CCDC88B: variants seen among roughly 807,000 people sequenced by gnomAD.
The protein encoded by CCDC88B is coiled-coil and HOOK domain protein 88B, also known as coiled-coil domain-containing protein 88B.
A neutral mutation model predicts 183.7 loss-of-function variants in CCDC88B; 138 were observed. The ratio of observed to expected loss-of-function variants is 0.75; its 90% CI spans 0.65 to 0.87. The LOEUF is 0.87. Ranked by LOEUF, CCDC88B falls within the 40% of genes least tolerant of loss-of-function variation. The pLI, the probability that CCDC88B is intolerant of heterozygous loss-of-function variation, is 0.00. For missense variants in CCDC88B, 1,822 were observed against 1,965.6 expected (o/e 0.93, Z 1.38); for synonymous variants, 835 against 867.5 (o/e 0.96, Z 0.66).
rs779565460 is a variant in CCDC88B, at chr11:64,349,352, C to T, written c.2638C>T (p.Arg880Trp). The change falls in exon 15 of 27, where the codon CGG becomes TGG. Residue 880 changes from arginine to tryptophan, a missense_variant. By Grantham distance (101) the Arg-to-Trp change is moderately radical. Coordinates refer to ENST00000356786, the MANE Select transcript of CCDC88B (RefSeq NM_032251.6). Reference sequence around the variant, plus strand: ...TCAGGAGCTGGAGAAAGCTGTGGTGCGGGGCAAGGAGTTGGGGGACCGGCT... The same window carrying T: ...TCAGGAGCTGGAGAAAGCTGTGGTGTGGGGCAAGGAGTTGGGGGACCGGCT... Reference protein sequence around the residue: ...LQAELEKAVVRGKELGDRLEH... With the variant: ...LQAELEKAVVWGKELGDRLEH... The T allele has an allele frequency of 1.6e-5, 25 of 1,610,994 alleles. No individual in the cohort carries two copies. The highest frequency in any genetic ancestry group is 1.8e-5 in the Non-Finnish European group (21 of 1,179,096).
rs376735322 is a variant in CCDC88B at position 64,351,175 on chromosome 11, G to A, written c.2878G>A (p.Ala960Thr). 248 of 1,490,264 alleles carry A rather than the reference G, an allele frequency of 1.7e-4. No homozygotes were observed. The highest frequency in any genetic ancestry group is 2.1e-4 in the Admixed American group (8 of 37,840). The allele number at this position is 1,490,264 out of a possible 1,614,324, so 92.3% of individuals were successfully genotyped here. A position where few individuals can be genotyped will look rare whatever the true frequency, so the allele number is the denominator to read the frequency against. The change falls in exon 17 of 27, where the codon GCG (alanine) becomes ACG (threonine). Residue 960 changes from alanine (A) to threonine (T), a missense_variant. Coordinates refer to ENST00000356786, the MANE Select transcript of CCDC88B (RefSeq NM_032251.6). ...EELFQLRQGP[A>T]GLGPKKRAEP... ...CTCCTTGCAGCTGCGCCAGGGCCCC[G>A]CGGGGCTGGGGCCCAAAAAGCGTGC...
chr11:64,342,068 G>A lies in CCDC88B; in HGVS notation c.750G>A (p.Glu250=). 3 of 1,611,790 alleles carry A rather than the reference G, an allele frequency of 1.9e-6. No individual in the cohort carries two copies. The highest frequency in any genetic ancestry group is 2.5e-6 in the Non-Finnish European group (3 of 1,179,444). Reference sequence around the variant, plus strand: ...AGGCTCCCTCTAGGGCTCCCGCCGAGGGCCCCTCGCACCATCTGGCCCTGC... The same window carrying A: ...AGGCTCCCTCTAGGGCTCCCGCCGAAGGCCCCTCGCACCATCTGGCCCTGC... ...RPEAPSRAPA[E]GPSHHLALQL... is the part of the protein sequence containing the mutation. The change falls in exon 8 of 27, where the codon GAG becomes GAA. Residue 250 remains glutamate (E), a synonymous_variant. Transcript: ENST00000356786.
chr11:64,349,905 A>T, intron 16 of CCDC88B: 1 of 575,434 alleles, frequency 1.7e-6, no homozygotes, highest in Non-Finnish European at 3.1e-6. Context: ...TCTGCTGTGG[A>T]TGACTGCTCC....
chr11:64,349,880 C>T (rs1025978796), intron 16 of CCDC88B: 12 of 598,518 alleles, frequency 2.0e-5, no homozygotes, highest in Non-Finnish European at 3.0e-5. Context: ...CCCCATTCTG[C>T]ACATGGACAG....
In CCDC88B at chr11:64,349,465, A is replaced by G. The variant is rs1274778681; in HGVS notation, c.2744+7A>G. The stretch of plus-strand genomic sequence containing the variant: ...AGGAAAGCCAGCACCAGAGGTGGGG[A>G]CAGGGCTGAGGGGAAGAATGAGGGA... On this transcript the variant is annotated splice_region_variant and intron_variant, in intron 15 of 26. Transcript: ENST00000356786. 1 of 1,598,898 alleles carries G rather than the reference A, an allele frequency of 6.3e-7. No individual in the cohort carries two copies. The highest frequency in any genetic ancestry group is 1.7e-5 in the Admixed American group (1 of 59,204).
chr11:64,351,500 G>A lies in CCDC88B; in HGVS notation c.2983G>A (p.Ala995Thr). The A allele has an allele frequency of 6.3e-7, 1 of 1,587,546 alleles. No homozygotes were observed. The highest frequency in any genetic ancestry group is 8.5e-7 in the Non-Finnish European group (1 of 1,174,184). ...RSNAMLVAEK[A>T]ALQGQLQHLE... is the part of the protein sequence containing the mutation. ...GAATGCGATGCTGGTGGCAGAGAAGGCAGCTTTGCAGGGGCAGCTGCAGCA... is the reference window on the plus strand; with the variant it reads ...GAATGCGATGCTGGTGGCAGAGAAGACAGCTTTGCAGGGGCAGCTGCAGCA... Residue 995 changes from alanine to threonine, a missense_variant, in exon 18 of 27, where the codon GCA becomes ACA. Ala to Thr is a moderately conservative substitution (Grantham distance 58, BLOSUM62 0). Transcript: ENST00000356786.
In CCDC88B at chr11:64,353,125, G is replaced by T; in HGVS notation, c.3572G>T (p.Gly1191Val). ...ELQGERGELR[G>V]RLARLELERA... ...CAGGGTGAACGCGGGGAGCTACGGG[G>T]CCGGCTGGCGCGGCTGGAGCTGGAG... is the stretch of plus-strand genomic sequence containing the variant. Residue 1191 changes from glycine (G) to valine (V), a missense_variant, in exon 21 of 27, where the codon GGC becomes GTC. Transcript: ENST00000356786. 6.2e-7 allele frequency: 1 copy of T among 1,603,512 alleles called. No individual in the cohort carries two copies.
rs754522760 is a variant in CCDC88B, at chr11:64,349,419, G to A, written c.2705G>A (p.Arg902His). The A allele has an allele frequency of 2.6e-5, 42 of 1,611,800 alleles. No homozygotes were observed. Among genetic ancestry groups the A allele is most frequent in the South Asian group, 2.4e-4 (22 of 90,978 alleles). The change falls in exon 15 of 27, where the codon CGC (arginine) becomes CAC (histidine). Residue 902 changes from arginine to histidine, a missense_variant. Coordinates refer to ENST00000356786, the MANE Select transcript of CCDC88B (RefSeq NM_032251.6). ...GAGCTGGAGCAGGCGGCTCTCGAGC[G>A]CCAGGAATTTCTGCGAGAAAAGGAA... ...QRELEQAALE[R>H]QEFLREKESQ... is the part of the protein sequence containing the mutation.
chr11:64,354,689 C>CTG (rs1217590563), intron 24 of CCDC88B, among the ~76,000 whole-genome samples: 5 of 35,154 alleles, frequency 1.4e-4, no homozygotes, highest in African/African-American at 6.5e-4. Context: ...GCATGAGCCT[C>CTG]CGCCCCCCCC....
At chr11:64,352,927 C>T (rs1232098450) in intron 20 of CCDC88B, 40 bp downstream of exon 20, 2 of 1,528,294 alleles carry the variant, frequency 1.3e-6, no homozygotes, top group East Asian at 4.8e-5. Flanking sequence ...TCTCAGTGGC[C>T]CCATCCTGAA....
At chr11:64,349,712 C>T (rs780799054) in intron 16 of CCDC88B, 44 bp downstream of exon 16, 39 of 1,522,404 alleles carry the variant, frequency 2.6e-5, no homozygotes, top group Non-Finnish European at 3.3e-5. Context: ...GCCACCCTGC[C>T]CTCCATCCCA....
Position 64,344,236 on chromosome 11 carries a change from T to C in CCDC88B, c.1695T>C (p.Ala565=). The change falls in exon 14 of 27, where the codon GCT becomes GCC. Residue 565 remains alanine, a synonymous_variant. Coordinates refer to ENST00000356786, the MANE Select transcript of CCDC88B (RefSeq NM_032251.6). This position sits in a 1 kb window ranked among gnomAD's most constrained non-coding sequence, Gnocchi z 4.5. ...PQEAESPLQA[A]AMDPQASDWS... ...AGGCAGAGAGTCCCCTTCAGGCAGC[T>C]GCCATGGACCCCCAGGCCTCAGACT... 1 of 1,613,006 alleles carries C rather than the reference T, an allele frequency of 6.2e-7. No individual in the cohort carries two copies. Among genetic ancestry groups the C allele is most frequent in the South Asian group, 1.1e-5 (1 of 90,962 alleles).
intron 2 of CCDC88B, 53 bp downstream of exon 2, chr11:64,340,805 A>G: frequency 6.4e-7 from 1 of 1,557,380 alleles, no homozygotes; most frequent in Non-Finnish European, 8.7e-7. Flanking sequence ...GAGGAGGGGA[A>G]GCGGGTGGGC....
Position 64,341,522 on chromosome 11 carries a change from C to A in CCDC88B, c.531+18C>A. The A allele has an allele frequency of 6.2e-7, 1 of 1,613,398 alleles. No homozygotes were observed. Among genetic ancestry groups the A allele is most frequent in the Non-Finnish European group, 8.5e-7 (1 of 1,179,918 alleles). On this transcript the variant is annotated intron_variant, in intron 6 of 26. Transcript: ENST00000356786. ...TCCAGGAGGTACTGAGACGGTTCGG[C>A]AGCCCAGACTGGTATGGCACCTGGG... is the stretch of plus-strand genomic sequence containing the variant.
intron 12 of CCDC88B, 59 bp downstream of exon 12, chr11:64,343,674 C>T (rs1195787127): frequency 7.1e-6 from 11 of 1,540,276 alleles, no homozygotes; most frequent in South Asian, 6.0e-5. Flanking sequence ...CAGCAGTGTA[C>T]TGGGGAGAGC....
At position 64,340,899 on chromosome 11, in the gene CCDC88B, G is replaced by T. The variant is rs777623406; in HGVS notation, c.207-8G>T. On this transcript the variant is annotated splice_polypyrimidine_tract_variant and splice_region_variant and intron_variant, in intron 2 of 26. Coordinates refer to ENST00000356786, the MANE Select transcript of CCDC88B (RefSeq NM_032251.6). ...AGGCGGGTCCTCGAGCCCACCTCCG[G>T]CTCATAGTGCCCCCAGCTCCCGAGG... is the stretch of plus-strand genomic sequence containing the variant. 38 of 1,544,756 alleles carry T rather than the reference G, an allele frequency of 2.5e-5. No homozygotes were observed. In the South Asian group the frequency reaches 2.7e-4, roughly 11 times the overall value.
chr11:64,355,089 T>G (rs1202599196), intron 24 of CCDC88B, 105 bp from the exon 25 acceptor site: 28 of 146,802 alleles, frequency 1.9e-4, no homozygotes, highest in South Asian at 4.5e-4. Flanking sequence ...TCTGACCCCC[T>G]CCCTGCGTGA....
chr11:64,342,645 CT>C lies in CCDC88B; in HGVS notation c.1028del (p.Leu343ArgfsTer100), dbSNP rs904401410. 4.6e-6 allele frequency: 7 copies of C among 1,520,118 alleles called. No homozygotes were observed. Among genetic ancestry groups the C allele is most frequent in the African/African-American group, 1.4e-5 (1 of 72,136 alleles). The allele number at this position is 1,520,118 out of a possible 1,614,324, so 94.2% of individuals were successfully genotyped here. A position where few individuals can be genotyped will look rare whatever the true frequency, so the allele number is the denominator to read the frequency against. ...QEELRRCRER[L>X]QAAEAYKSQL... ...GGAGCTGAGGCGCTGCCGCGAGCGG[CT>C]GCAGGCGGCTGAGGCCTACAAGAGT... On this transcript the variant is annotated frameshift_variant, in exon 10 of 27. Transcript: ENST00000356786. LOFTEE classifies it high-confidence loss of function.
In CCDC88B at chr11:64,352,890, G is replaced by A; in HGVS notation, c.3500+3G>A. The A allele has an allele frequency of 6.4e-7, 1 of 1,573,072 alleles. No individual in the cohort carries two copies. Among genetic ancestry groups the A allele is most frequent in the Non-Finnish European group, 8.6e-7 (1 of 1,160,980 alleles). ...AGGCTTCAGAGCGAGCACGACAGGTGCCGCCCCTGCCACAGCCTCTAGCAG... is the reference window on the plus strand; with the variant it reads ...AGGCTTCAGAGCGAGCACGACAGGTACCGCCCCTGCCACAGCCTCTAGCAG... On this transcript the variant is annotated splice_donor_region_variant and intron_variant, in intron 20 of 26. Coordinates refer to ENST00000356786, the MANE Select transcript of CCDC88B (RefSeq NM_032251.6).
Sources: gnomAD v4.1 joint callset for allele counts (sites outside exome capture counted in the v4.1 genomes callset) on GRCh38, gnomAD v4.1.1 for gene constraint, Gnocchi (gnomAD v3.1) non-coding constraint, MANE v1.5 for transcripts, NCBI Gene and HGNC (gene_info 2026-07-23, HGNC 2026-07-21) for gene names.